The following COL9A1 variants were observed in gnomAD, a reference collection of about 807,000 sequenced individuals.
The protein encoded by COL9A1 is collagen type IX alpha 1 chain, also known as collagen alpha-1(IX) chain.
A neutral mutation model predicts 142.6 loss-of-function variants in COL9A1; 104 were observed. That is an observed-to-expected ratio of 0.73 (90% confidence interval 0.62 to 0.86). The LOEUF (loss-of-function observed/expected upper bound fraction) is 0.86, where lower values mean the gene tolerates loss of function less well. COL9A1 is among the 40% of genes least tolerant of loss of function. COL9A1 has a pLI of 0.00. For missense variants in COL9A1, 1,210 were observed against 1,176.6 expected (o/e 1.03, Z -0.42); for synonymous variants, 466 against 396.0 (o/e 1.18, Z -2.10).
rs1769623424 is a variant in COL9A1, at chr6:70,232,625, T to C, written c.2461A>G (p.Ile821Val). 1 of 1,613,968 alleles carries C rather than the reference T, an allele frequency of 6.2e-7. No homozygotes were observed. The highest frequency in any genetic ancestry group is 1.3e-5 in the African/African-American group (1 of 74,932). The change falls in exon 36 of 38, where the codon ATT (isoleucine) becomes GTT (valine). Residue 821 changes from isoleucine to valine, a missense_variant. Ile to Val is a conservative substitution (Grantham distance 29). Transcript: ENST00000357250. ...GQMGIRGLPG[I>V]KGPPGALGLR... ...CCAAGAGCACCAGGGGGCCCCTTAA[T>C]GCCCGGAAGGCCACGAATTCCCATC...
intron 23 of COL9A1, 26 bp from the exon 24 acceptor site, chr6:70,255,042 G>C (rs13219431): frequency 2.1e-5 from 34 of 1,613,632 alleles, no homozygotes; most frequent in African/African-American, 2.7e-5. Context: ...GAAACATACT[G>C]TCTCTTACAC....
chr6:70,289,431 G>A (rs1773575960), intron 5 of COL9A1, among the ~76,000 whole-genome samples: 1 of 152,020 alleles, frequency 6.6e-6, no homozygotes, highest in Admixed American at 6.6e-5. Context: ...TTCCAATCAT[G>A]GCTTCTGCTG....
chr6:70,269,120 A>G (rs543986124), intron 16 of COL9A1, among the ~76,000 whole-genome samples: 3 of 152,336 alleles, frequency 2.0e-5, no homozygotes, highest in East Asian at 1.9e-4. Flanking sequence ...GATTTAATAA[A>G]TGTTAATATT....
rs1049362648 is a variant in COL9A1 at position 70,284,246 on chromosome 6, T to C, written c.697-426A>G. On this transcript the variant is annotated intron_variant, in intron 5 of 37. Coordinates refer to ENST00000357250, the MANE Select transcript of COL9A1 (RefSeq NM_001851.6). The stretch of plus-strand genomic sequence containing the variant: ...GCTATTGAACTCTACAGGGAATATA[T>C]GCTGTAAGATTTTAGATGGGAGATT... Among the ~76,000 whole-genome samples, 40 of 152,042 alleles carry C rather than the reference T, an allele frequency of 2.6e-4. No homozygotes were observed. The Middle Eastern group carries it at 0.01, about 39-fold the overall frequency.
In COL9A1 at chr6:70,216,912, T is replaced by C. The variant is rs898990280; in HGVS notation, c.2751A>G (p.Lys917=). 8.1e-6 allele frequency: 13 copies of C among 1,614,136 alleles called. No individual in the cohort carries two copies. Among genetic ancestry groups the C allele is most frequent in the Non-Finnish European group, 1.1e-5 (13 of 1,180,034 alleles). The change falls in exon 38 of 38, where the codon AAA becomes AAG. Residue 917 remains lysine, a synonymous_variant. Coordinates refer to ENST00000357250, the MANE Select transcript of COL9A1 (RefSeq NM_001851.6). The part of the protein sequence containing the change: ...TMQAGQRAFN[K]GPDP ...AGTAAGCCTTTCAAGGGTCAGGCCCTTTGTTAAATGCTCGCTGACCAGCCT... is the reference window on the plus strand; with the variant it reads ...AGTAAGCCTTTCAAGGGTCAGGCCCCTTGTTAAATGCTCGCTGACCAGCCT...
rs998334424 is a variant in COL9A1, at chr6:70,216,770, T to C, written c.*127A>G. Reference sequence around the variant, plus strand: ...TTGTCAAGTAGGACTTCTGTAATCATACTGAAGGTAATACATTGTAATCAT... The same window carrying C: ...TTGTCAAGTAGGACTTCTGTAATCACACTGAAGGTAATACATTGTAATCAT... On this transcript the variant is annotated 3_prime_UTR_variant, in exon 38 of 38. Transcript: ENST00000357250. The C allele has an allele frequency of 5.3e-6, 5 of 943,244 alleles. No homozygotes were observed. In the African/African-American group the frequency reaches 6.5e-5, roughly 12 times the overall value. 58.4% of individuals were successfully genotyped at this position (943,244 alleles called of 1,614,324 possible).
rs16868867 is a variant in COL9A1, at chr6:70,271,627, G to A, written c.1143+28C>T. 4,393 of 1,606,236 alleles carry A rather than the reference G, an allele frequency of 2.7e-3. 98 individuals are homozygous for A. The African/African-American group carries it at 0.046, about 17-fold the overall frequency. On this transcript the variant is annotated intron_variant, in intron 14 of 37. Transcript: ENST00000357250. ...AACATCTTCTATTAAATCAGCAAAC[G>A]TCTATCAAAGTGCACTGTGGTACTC...
intron 15 of COL9A1, 143 bp from the exon 16 acceptor site, chr6:70,269,808 A>G (rs1367273977): frequency 3.2e-6 from 2 of 619,504 alleles, no homozygotes; most frequent in Non-Finnish European, 5.8e-6. Context: ...CTAATATTCT[A>G]AAATCCTGAC....
chr6:70,300,217 T>C (rs1483110215), intron 3 of COL9A1, 42 bp from the exon 4 acceptor site: 1 of 1,612,560 alleles, frequency 6.2e-7, no homozygotes, highest in Non-Finnish European at 8.5e-7. Context: ...AAAATGAGAT[T>C]GGTTTTATTT....
At chr6:70,289,881 A>G (rs1377525730) in intron 5 of COL9A1, among the ~76,000 whole-genome samples, 1 of 152,160 alleles carries the variant, frequency 6.6e-6, no homozygotes, top group African/African-American at 2.4e-5. Context: ...TGAAACTTAT[A>G]TTGTTTTTAC....
intron 4 of COL9A1, among the ~76,000 whole-genome samples, chr6:70,297,302 T>C (rs1773882518): frequency 6.6e-6 from 1 of 152,160 alleles, no homozygotes; most frequent in Admixed American, 6.5e-5. Flanking sequence ...GGTAGCTGTC[T>C]CTTTCTCTCC....
intron 19 of COL9A1, among the ~76,000 whole-genome samples, chr6:70,262,165 C>CAA (rs70987501): frequency 4.2e-5 from 6 of 144,334 alleles, no homozygotes; most frequent in Non-Finnish European, 9.1e-5. Context: ...TTCATCAGAT[C>CAA]AAAAAAAAAA....
Position 70,268,841 on chromosome 6 carries a change from G to T in COL9A1, c.1250C>A (p.Pro417Gln), listed in dbSNP as rs1231550981. The T allele has an allele frequency of 6.2e-7, 1 of 1,613,866 alleles. No homozygotes were observed. The highest frequency in any genetic ancestry group is 1.1e-5 in the South Asian group (1 of 91,036). ...TAGGCCTGGATATCCTGAGCGACCT[G>T]GTGGACAGGCATTGGGACACTGCCA... is the stretch of plus-strand genomic sequence containing the variant. ...GDPLCPNACP[P>Q]GRSGYPGLPG... The change falls in exon 17 of 38, where the codon CCA (proline) becomes CAA (glutamine). Residue 417 changes from proline to glutamine, a missense_variant. Physicochemically the swap from Pro to Gln is moderately conservative, Grantham distance 76. Coordinates refer to ENST00000357250, the MANE Select transcript of COL9A1 (RefSeq NM_001851.6).
At chr6:70,280,086 A>T in intron 10 of COL9A1, 1 of 665,032 alleles carries the variant, frequency 1.5e-6, no homozygotes. Flanking sequence ...AAGTCATTTT[A>T]CTCTGAAGAA....
chr6:70,301,113 T>C (rs1363318510), intron 2 of COL9A1, among the ~76,000 whole-genome samples: 1 of 152,132 alleles, frequency 6.6e-6, no homozygotes, highest in Non-Finnish European at 1.5e-5. Flanking sequence ...CTCAATTTGA[T>C]AAGAAATCAT....
intron 6 of COL9A1, chr6:70,283,279 C>G: frequency 1.4e-6 from 2 of 1,411,352 alleles, no homozygotes; most frequent in Non-Finnish European, 1.9e-6. Context: ...CAGGGGAGGA[C>G]GGATAGAATG....
chr6:70,271,172 G>A (rs996572918), intron 14 of COL9A1, among the ~76,000 whole-genome samples: 4 of 152,116 alleles, frequency 2.6e-5, no homozygotes, highest in African/African-American at 9.7e-5. Context: ...CTATGTCAAC[G>A]TTTTTGAAAT....
chr6:70,249,611 G>A (rs1381872238), intron 28 of COL9A1, among the ~76,000 whole-genome samples: 2 of 152,186 alleles, frequency 1.3e-5, no homozygotes, highest in Non-Finnish European at 2.9e-5. Context: ...GATAGGAAAT[G>A]TGATGGAGGA....
At chr6:70,240,268 G>A (rs528625371) in intron 32 of COL9A1, among the ~76,000 whole-genome samples, 48 of 152,130 alleles carry the variant, frequency 3.2e-4, no homozygotes, top group Non-Finnish European at 6.3e-4. Flanking sequence ...TCAGATTTGT[G>A]AGTCACAGCT....
Sources: allele counts gnomAD v4.1 joint callset (sites outside exome capture counted in the v4.1 genomes callset), GRCh38; gene constraint gnomAD v4.1.1; transcripts MANE v1.5; gene names NCBI Gene and HGNC (gene_info 2026-07-23, HGNC 2026-07-21).